The following ME1 variants were observed in gnomAD, a reference collection of about 807,000 sequenced individuals.
The protein encoded by ME1 is malic enzyme 1, also known as NADP-dependent malic enzyme.
A neutral mutation model predicts 66.4 loss-of-function variants in ME1; 74 were observed. That is an observed-to-expected ratio of 1.11 (90% CI 0.92 to 1.35). The LOEUF (loss-of-function observed/expected upper bound fraction) is 1.35. ME1 is among the 40% of genes most tolerant of loss of function. The pLI is 0.00. For synonymous variants in ME1, 251 were observed against 235.6 expected (o/e 1.07, Z -0.60); for missense variants, 750 against 694.1 (o/e 1.08, Z -0.90).
chr6:83,223,657 CAG>C (rs2128523391), intron 12 of ME1, 101 bp downstream of exon 12: 3 of 1,127,504 alleles, frequency 2.7e-6, no homozygotes, highest in South Asian at 1.6e-5. Flanking sequence ...TTACTTCTTT[CAG>C]AGAGTAAGCT....
chr6:83,349,868 T>C (rs1163322277), intron 4 of ME1, among the ~76,000 whole-genome samples: 1 of 152,212 alleles, frequency 6.6e-6, no homozygotes, highest in African/African-American at 2.4e-5. Context: ...TTCCTTATTA[T>C]CTAAAAACAC....
chr6:83,231,412 C>T (rs1467177269), intron 9 of ME1, among the ~76,000 whole-genome samples: 7 of 151,992 alleles, frequency 4.6e-5, no homozygotes, highest in African/African-American at 1.7e-4. Flanking sequence ...CCAGGAATCA[C>T]GAAATGGTAA....
chr6:83,326,625 TAAAA>T (rs1184676240), intron 5 of ME1, among the ~76,000 whole-genome samples: 1 of 151,594 alleles, frequency 6.6e-6, no homozygotes, highest in African/African-American at 2.4e-5. Context: ...CCAAAAAACA[TAAAA>T]AAAAGCTCAT....
intron 3 of ME1, among the ~76,000 whole-genome samples, chr6:83,396,298 AGGTTGC>A (rs2128550464): frequency 6.6e-6 from 1 of 152,284 alleles, no homozygotes; most frequent in African/African-American, 2.4e-5. Context: ...CAGGAGGCAA[AGGTTGC>A]AGTGTGCCAA....
chr6:83,400,180 C>A (rs1769813533), intron 2 of ME1, among the ~76,000 whole-genome samples: 1 of 151,980 alleles, frequency 6.6e-6, no homozygotes, highest in Non-Finnish European at 1.5e-5. Flanking sequence ...AAATGTAATC[C>A]CCAGTGCTGG....
At chr6:83,219,409 A>C (rs1317924068) in intron 12 of ME1, among the ~76,000 whole-genome samples, 2 of 152,178 alleles carry the variant, frequency 1.3e-5, no homozygotes, top group Non-Finnish European at 2.9e-5. Flanking sequence ...TCCATCAATT[A>C]CTGTCTGTTT....
intron 9 of ME1, among the ~76,000 whole-genome samples, chr6:83,237,408 AAAAG>A (rs57545235): frequency 1.4e-4 from 12 of 84,908 alleles, no homozygotes; most frequent in East Asian, 5.2e-4. Context: ...GAAAGAAAGA[AAAAG>A]AAAGAAAGAA....
chr6:83,390,481 T>C (rs1769600313), intron 3 of ME1, among the ~76,000 whole-genome samples: 1 of 152,120 alleles, frequency 6.6e-6, no homozygotes, highest in South Asian at 2.1e-4. Context: ...GCATCCACAA[T>C]TCCCTTTCTA....
chr6:83,380,396 A>G (rs1202593786), intron 3 of ME1, among the ~76,000 whole-genome samples: 1 of 152,074 alleles, frequency 6.6e-6, no homozygotes, highest in African/African-American at 2.4e-5. Flanking sequence ...CAGGAGAATG[A>G]CATAATTAGA....
At chr6:83,424,769 A>G (rs1361078762) in intron 1 of ME1, among the ~76,000 whole-genome samples, 1 of 152,212 alleles carries the variant, frequency 6.6e-6, no homozygotes, top group Non-Finnish European at 1.5e-5. Flanking sequence ...TGGCTTAAAC[A>G]TAAATTTATT....
intron 5 of ME1, among the ~76,000 whole-genome samples, chr6:83,345,130 G>T (rs1020158872): frequency 1.3e-5 from 2 of 152,062 alleles, no homozygotes; most frequent in African/African-American, 4.8e-5. Flanking sequence ...CTCCTGAGTA[G>T]CTAGGACTGT....
intron 3 of ME1, among the ~76,000 whole-genome samples, chr6:83,377,748 A>G (rs1319932503): frequency 1.3e-5 from 2 of 152,170 alleles, no homozygotes; most frequent in African/African-American, 2.4e-5. Context: ...CTAATTAACT[A>G]TGTTCATAGC....
rs192354996 is a variant in ME1, at chr6:83,319,542, A to T, written c.601-4129T>A. Among the ~76,000 whole-genome samples, 17 of 152,218 alleles carry T rather than the reference A, an allele frequency of 1.1e-4. No homozygotes were observed. The East Asian group carries it at 3.3e-3, about 29-fold the overall frequency. The stretch of plus-strand genomic sequence containing the variant: ...GGATTATTAAGACAGAGACACTTCA[A>T]ATGAAAATAATTCTCTGGGTCCCCA... On this transcript the variant is annotated intron_variant, in intron 5 of 13. Transcript: ENST00000369705.
At chr6:83,346,054 G>C (rs757807567) in intron 5 of ME1, 119 bp downstream of exon 5, 7 of 779,624 alleles carry the variant, frequency 9.0e-6, no homozygotes, top group African/African-American at 8.8e-5. Context: ...GATTTGGAGA[G>C]AGAAAGAGAA....
At chr6:83,358,322 G>A (rs1352822411) in intron 3 of ME1, among the ~76,000 whole-genome samples, 2 of 152,110 alleles carry the variant, frequency 1.3e-5, no homozygotes, top group East Asian at 3.9e-4. Flanking sequence ...TTGAGCCTAT[G>A]TGGTGAACCA....
intron 3 of ME1, among the ~76,000 whole-genome samples, chr6:83,397,984 G>C (rs568248293): frequency 1.4e-4 from 21 of 152,268 alleles, no homozygotes; most frequent in Non-Finnish European, 2.6e-4. Context: ...GAAAGGTAGG[G>C]GGAGCGGGTT....
At chr6:83,391,304 C>G (rs1769615782) in intron 3 of ME1, among the ~76,000 whole-genome samples, 1 of 152,108 alleles carries the variant, frequency 6.6e-6, no homozygotes, top group Non-Finnish European at 1.5e-5. Flanking sequence ...GCTACCTACT[C>G]CAGAGCCCAT....
In ME1 at chr6:83,420,939, T is replaced by G. The variant is rs537548989; in HGVS notation, c.78+9938A>C. Among the ~76,000 whole-genome samples the G allele has an allele frequency of 2.8e-4, 42 of 151,970 alleles. 2 individuals carry two copies. The South Asian group carries it at 8.7e-3, about 32-fold the overall frequency. Reference sequence around the variant, plus strand: ...TTGTTTTTTTGTTTTTAGTTTTTTGTTTTTTTGGTTTTAAGTAGTGGACAG... The same window carrying G: ...TTGTTTTTTTGTTTTTAGTTTTTTGGTTTTTTGGTTTTAAGTAGTGGACAG... On this transcript the variant is annotated intron_variant, in intron 1 of 13. Transcript: ENST00000369705.
rs1205618078 is a variant in ME1 at position 83,339,739 on chromosome 6, A to G, written c.600+6434T>C. 3.7e-5 allele frequency among the ~76,000 whole-genome samples: 3 copies of G among 82,052 alleles called. No homozygotes were observed. In the East Asian group the frequency reaches 1.1e-3, roughly 29 times the overall value. 53.8% of individuals were successfully genotyped at this position (82,052 alleles called of 152,430 possible). A position where few individuals can be genotyped will look rare whatever the true frequency, so the allele number is the denominator to read the frequency against. ...GCAAGAACAAAAAACCAAACACCGC[A>G]TATTCTCACTCATAGGTGGGAATTG... On this transcript the variant is annotated intron_variant, in intron 5 of 13. Transcript: ENST00000369705.
Sources: allele counts gnomAD v4.1 joint callset (sites outside exome capture counted in the v4.1 genomes callset), GRCh38; gene constraint gnomAD v4.1.1; transcripts MANE v1.5; gene names NCBI Gene and HGNC (gene_info 2026-07-23, HGNC 2026-07-21).